Variants in PSMD8 observed in about 807,000 individuals in gnomAD.
PSMD8 encodes proteasome 26S subunit, non-ATPase 8.
PSMD8 carries 30 observed loss-of-function variants against 40.0 expected under a neutral mutation model. The observed-to-expected ratio is 0.75, with a 90% CI of 0.56 to 1.02. The LOEUF is 1.02. Among genes scored for constraint, PSMD8 ranks in the 50% least tolerant of loss-of-function variants. The probability of loss-of-function intolerance (pLI) is 0.00; values close to 1 mark genes in which losing one functional copy is unlikely to be tolerated. For synonymous variants in PSMD8, 208 were observed against 192.5 expected (o/e 1.08, Z -0.67); for missense variants, 461 against 463.9 (o/e 0.99, Z 0.06).
intron 4 of PSMD8, 118 bp downstream of exon 4, chr19:38,379,523 T>C (rs954042020): frequency 8.8e-7 from 1 of 1,134,366 alleles, no homozygotes; most frequent in Non-Finnish European, 1.3e-6. Flanking sequence ...CACGGACCCA[T>C]CCTCTTGTTT....
In PSMD8 at chr19:38,383,288, T is replaced by C. The variant is rs1305642993; in HGVS notation, c.951T>C (p.Ser317=). The change falls in exon 7 of 7, where the codon AGT becomes AGC. Residue 317 remains serine, a synonymous_variant. Transcript: ENST00000215071. ...GWVLGPNNYY[S]FASQQQKPED... Reference sequence around the variant, plus strand: ...TCCTGGGCCCCAACAACTACTACAGTTTTGCCAGCCAGCAGCAGAAGCCGG... The same window carrying C: ...TCCTGGGCCCCAACAACTACTACAGCTTTGCCAGCCAGCAGCAGAAGCCGG... The C allele has an allele frequency of 2.5e-6, 4 of 1,613,100 alleles. No homozygotes were observed. In the Admixed American group the frequency reaches 6.7e-5, roughly 27 times the overall value.
chr19:38,375,176 C>A, intron 1 of PSMD8: 2 of 795,320 alleles, frequency 2.5e-6, no homozygotes, highest in Non-Finnish European at 3.8e-6. Flanking sequence ...CGTTGATGGT[C>A]ACGCCTGTAA....
chr19:38,377,374 A>G (rs559817782), intron 3 of PSMD8, among the ~76,000 whole-genome samples: 94 of 151,514 alleles, frequency 6.2e-4, no homozygotes, highest in Admixed American at 2.3e-3. Flanking sequence ...AATTTTTTGT[A>G]GAGATGGGGG....
At position 38,383,432 on chromosome 19, in the gene PSMD8, AAC is replaced by A. The variant is rs773336878; in HGVS notation, c.*44_*45del. The A allele has an allele frequency of 2.5e-6, 4 of 1,612,396 alleles. No homozygotes were observed. The highest frequency in any genetic ancestry group is 3.4e-6 in the Non-Finnish European group (4 of 1,178,726). Reference sequence around the variant, plus strand: ...GTGGGGCAGGGCACGAGTTATTTAAAACAGTTACACTGCAGGGTTTCGCCCAA... The same window carrying A: ...GTGGGGCAGGGCACGAGTTATTTAAAAGTTACACTGCAGGGTTTCGCCCAA... On this transcript the variant is annotated 3_prime_UTR_variant, in exon 7 of 7. Coordinates refer to ENST00000215071, the MANE Select transcript of PSMD8 (RefSeq NM_002812.5).
At chr19:38,375,926 C>T (rs1047107775) in intron 1 of PSMD8, among the ~76,000 whole-genome samples, 3 of 152,174 alleles carry the variant, frequency 2.0e-5, no homozygotes, top group African/African-American at 4.8e-5. Context: ...CACTGAGTGT[C>T]CCTCCTTGTT....
chr19:38,381,166 T>C, intron 5 of PSMD8, 167 bp downstream of exon 5: 2 of 583,578 alleles, frequency 3.4e-6, no homozygotes, highest in Non-Finnish European at 6.0e-6. Context: ...GGCCTGGTCA[T>C]GGGATTGTGG....
In PSMD8 at chr19:38,382,238, G is replaced by T. The variant is rs753417246; in HGVS notation, c.915+10G>T. 8.3e-6 allele frequency: 13 copies of T among 1,574,058 alleles called. No individual in the cohort carries two copies. The highest frequency in any genetic ancestry group is 1.1e-5 in the Non-Finnish European group (13 of 1,159,188). On this transcript the variant is annotated intron_variant, in intron 6 of 6. Transcript: ENST00000215071. ...AGACTACGCCAAGAAGGTGGCTGGGGTACAGGGCAAGGGGCCGTGGGACCA... is the reference window on the plus strand; with the variant it reads ...AGACTACGCCAAGAAGGTGGCTGGGTTACAGGGCAAGGGGCCGTGGGACCA...
intron 3 of PSMD8, among the ~76,000 whole-genome samples, chr19:38,377,378 A>ATG (rs1555743229): frequency 6.6e-6 from 1 of 151,686 alleles, no homozygotes; most frequent in Non-Finnish European, 1.5e-5. Context: ...TTTTGTAGAG[A>ATG]TGGGGGTCTC....
At position 38,374,715 on chromosome 19, in the gene PSMD8, GC is replaced by G; in HGVS notation, c.118del (p.His40ThrfsTer30). 5.2e-6 allele frequency: 8 copies of G among 1,546,242 alleles called. No individual in the cohort carries two copies. Among genetic ancestry groups the G allele is most frequent in the South Asian group, 1.2e-5 (1 of 84,386 alleles). ...PPRALGSTSR[P>X]HFRRASVCRR... ...CCCGGGCCTTGGGCTCCACCTCTCG[GC>G]CCCACTTCCGCCGGGCAAGCGTTTG... On this transcript the variant is annotated frameshift_variant, in exon 1 of 7. Coordinates refer to ENST00000215071, the MANE Select transcript of PSMD8 (RefSeq NM_002812.5). LOFTEE classifies it high-confidence loss of function.
At chr19:38,378,183 G>A (rs1020387821) in intron 3 of PSMD8, among the ~76,000 whole-genome samples, 12 of 152,166 alleles carry the variant, frequency 7.9e-5, no homozygotes, top group Middle Eastern at 3.4e-3. Context: ...CCAACATGGC[G>A]AAATCCTGTC....
intron 3 of PSMD8, among the ~76,000 whole-genome samples, chr19:38,377,112 G>A (rs181713705): frequency 2.0e-5 from 3 of 152,336 alleles, no homozygotes; most frequent in Admixed American, 6.5e-5. Flanking sequence ...ACATCCAGCC[G>A]CTTCCTGATT....
intron 5 of PSMD8, among the ~76,000 whole-genome samples, chr19:38,381,698 G>T (rs1052559814): frequency 6.6e-6 from 1 of 152,182 alleles, no homozygotes; most frequent in African/African-American, 2.4e-5. Flanking sequence ...GTGACTTCAT[G>T]CCTTGCTCTA....
chr19:38,379,354 C>A lies in PSMD8; in HGVS notation c.651C>A (p.Ala217=). ...ACACGGAGTTGGAGCGGCTGCCTGC[C>A]AAGGACATACAGACCAATGTCTACA... The part of the protein sequence containing the change: ...EFHTELERLP[A]KDIQTNVYIK... Residue 217 remains alanine, a synonymous_variant, in exon 4 of 7, where the codon GCC becomes GCA. Coordinates refer to ENST00000215071, the MANE Select transcript of PSMD8 (RefSeq NM_002812.5). 1 of 1,613,964 alleles carries A rather than the reference C, an allele frequency of 6.2e-7. No individual in the cohort carries two copies. The highest frequency in any genetic ancestry group is 8.5e-7 in the Non-Finnish European group (1 of 1,179,874).
intron 1 of PSMD8, chr19:38,375,177 A>C: frequency 1.3e-6 from 1 of 788,564 alleles, no homozygotes; most frequent in East Asian, 3.0e-5. Flanking sequence ...GTTGATGGTC[A>C]CGCCTGTAAT....
chr19:38,380,431 A>C (rs928118302), intron 4 of PSMD8, among the ~76,000 whole-genome samples: 7 of 152,174 alleles, frequency 4.6e-5, no homozygotes, highest in African/African-American at 1.7e-4. Flanking sequence ...GCCAGGGCAA[A>C]GCCTTAGGAC....
At chr19:38,380,705 A>T (rs1162563298) in intron 4 of PSMD8, among the ~76,000 whole-genome samples, 194 bp from the exon 5 acceptor site, 2 of 112,490 alleles carry the variant, frequency 1.8e-5, no homozygotes, top group Admixed American at 9.4e-5. Flanking sequence ...AGAGAGAGAG[A>T]GAGTGTGTGT....
rs34847046 is a variant in PSMD8, at chr19:38,383,368, G to A, written c.1031G>A (p.Arg344Gln). The A allele has an allele frequency of 2.4e-4, 382 of 1,613,872 alleles. No homozygotes were observed. Among genetic ancestry groups the A allele is most frequent in the Middle Eastern group, 4.9e-4 (3 of 6,062 alleles). Residue 344 changes from arginine (R) to glutamine (Q), a missense_variant, in exon 7 of 7, where the codon CGG (arginine) becomes CAG (glutamine). Coordinates refer to ENST00000215071, the MANE Select transcript of PSMD8 (RefSeq NM_002812.5). Reference protein sequence around the residue: ...ELAKQVIEYARQLEMIV With the variant: ...ELAKQVIEYAQQLEMIV ...GCCAAACAGGTCATCGAGTATGCCC[G>A]GCAGCTGGAGATGATCGTCTGAGCC...
Position 38,382,224 on chromosome 19 carries a change from A to G in PSMD8, c.911A>G (p.Lys304Arg), listed in dbSNP as rs1262914525. ...NTPKKMTDYA[K>R]KRGWVLGPNN... is the part of the protein sequence containing the mutation. ...CCCAAAAAGATGACAGACTACGCCA[A>G]GAAGGTGGCTGGGGTACAGGGCAAG... is the stretch of plus-strand genomic sequence containing the variant. Residue 304 changes from lysine to arginine, a missense_variant, in exon 6 of 7, where the codon AAG (lysine) becomes AGG (arginine). Transcript: ENST00000215071. The G allele has an allele frequency of 6.3e-7, 1 of 1,585,936 alleles. No homozygotes were observed. The highest frequency in any genetic ancestry group is 2.3e-5 in the East Asian group (1 of 43,550).
rs1482843600 is a variant in PSMD8, at chr19:38,379,396, C to T, written c.693C>T (p.Ser231=). 4 of 1,613,788 alleles carry T rather than the reference C, an allele frequency of 2.5e-6. No homozygotes were observed. The highest frequency in any genetic ancestry group is 1.3e-5 in the African/African-American group (1 of 74,918). ...QTNVYIKHPV[S]LEQYLMEGSY... is the part of the protein sequence containing the mutation. ...ATGTCTACATCAAGCACCCAGTGTC[C>T]CTGGAGCAAGTGAGATGGCAAGGGG... Residue 231 remains serine (S), a synonymous_variant, in exon 4 of 7, where the codon TCC becomes TCT. Coordinates refer to ENST00000215071, the MANE Select transcript of PSMD8 (RefSeq NM_002812.5).
Sources: gnomAD v4.1 joint callset for allele counts (sites outside exome capture counted in the v4.1 genomes callset) on GRCh38, gnomAD v4.1.1 for gene constraint, MANE v1.5 for transcripts, NCBI Gene and HGNC (gene_info 2026-07-23, HGNC 2026-07-21) for gene names.